DMXL2: variants seen among roughly 807,000 people sequenced by gnomAD.
DMXL2 encodes dmX-like protein 2.
In DMXL2, 103 loss-of-function variants were observed where a neutral mutation model predicts 331.1. The ratio of observed to expected loss-of-function variants is 0.31; its 90% CI spans 0.27 to 0.37. The LOEUF (loss-of-function observed/expected upper bound fraction) is 0.37, where lower values mean the gene tolerates loss of function less well. DMXL2 is among the 10% of genes least tolerant of loss of function. The pLI, the probability that DMXL2 is intolerant of heterozygous loss-of-function variation, is 1.00. For synonymous variants in DMXL2, 1,281 were observed against 1,252.1 expected (o/e 1.02, Z -0.49); for missense variants, 3,171 against 3,642.9 (o/e 0.87, Z 3.33).
At chr15:51,547,463 T>A in intron 6 of DMXL2, 55 bp from the exon 7 acceptor site, 1 of 1,317,616 alleles carries the variant, frequency 7.6e-7, no homozygotes, top group African/African-American at 1.5e-5. Flanking sequence ...AATTCAAAAT[T>A]TAAGTGGTTT....
chr15:51,553,349 A>G (rs960593241), intron 6 of DMXL2, among the ~76,000 whole-genome samples: 1 of 152,226 alleles, frequency 6.6e-6, no homozygotes, highest in Non-Finnish European at 1.5e-5. Flanking sequence ...TTTGTCCAAA[A>G]TGCACTATCA....
intron 1 of DMXL2, among the ~76,000 whole-genome samples, chr15:51,586,149 A>C (rs1467871100): frequency 1.3e-5 from 2 of 152,252 alleles, no homozygotes; most frequent in Non-Finnish European, 2.9e-5. Context: ...GACAGTATGA[A>C]GAAAGCTTAC....
intron 18 of DMXL2, among the ~76,000 whole-genome samples, 181 bp from the exon 19 acceptor site, chr15:51,495,315 A>G (rs2043097157): frequency 6.6e-6 from 1 of 152,166 alleles, no homozygotes; most frequent in African/African-American, 2.4e-5. Context: ...AAAAAATGTG[A>G]CTACTAAACT....
intron 1 of DMXL2, among the ~76,000 whole-genome samples, chr15:51,617,155 T>C (rs372192511): frequency 1.3e-5 from 2 of 152,302 alleles, no homozygotes; most frequent in East Asian, 1.9e-4. Context: ...TCTGATTTGT[T>C]CTAAAAATTT....
At chr15:51,449,603 C>T (rs183927704) in intron 43 of DMXL2, among the ~76,000 whole-genome samples, 435 of 152,286 alleles carry the variant, frequency 2.9e-3, no homozygotes, top group African/African-American at 9.8e-3. Context: ...GCATTCAGCA[C>T]GCTCCTTGGC....
At chr15:51,512,526 G>C (rs1226106571) in intron 15 of DMXL2, among the ~76,000 whole-genome samples, 1 of 152,236 alleles carries the variant, frequency 6.6e-6, no homozygotes, top group Non-Finnish European at 1.5e-5. Flanking sequence ...AATATTTCAG[G>C]GGGGCCAGGC....
At position 51,545,645 on chromosome 15, in the gene DMXL2, T is replaced by C. The variant is rs959724587; in HGVS notation, c.868A>G (p.Ser290Gly). Residue 290 changes from serine (S) to glycine (G), a missense_variant, in exon 8 of 44, where the codon AGC (serine) becomes GGC (glycine). Transcript: ENST00000560891. Reference sequence around the variant, plus strand: ...GCATGAGAAAGGCTGCTGGCAATGCTGGAAGTGGTAGTCTCACAAATCTGC... The same window carrying C: ...GCATGAGAAAGGCTGCTGGCAATGCCGGAAGTGGTAGTCTCACAAATCTGC... ...GEQICETTTS[S>G]IASSLSHAGR... The C allele has an allele frequency of 6.2e-7, 1 of 1,613,770 alleles. No individual in the cohort carries two copies.
At chr15:51,490,453 T>C (rs368758160) in intron 20 of DMXL2, among the ~76,000 whole-genome samples, 25 of 152,310 alleles carry the variant, frequency 1.6e-4, no homozygotes, top group African/African-American at 6.0e-4. Context: ...TTCACAAATA[T>C]AGTACCACTG....
chr15:51,472,596 A>T (rs2041223215), intron 28 of DMXL2, among the ~76,000 whole-genome samples: 2 of 152,182 alleles, frequency 1.3e-5, no homozygotes, highest in African/African-American at 4.8e-5. Flanking sequence ...CCTATTCAGG[A>T]TATTTCATAT....
intron 27 of DMXL2, among the ~76,000 whole-genome samples, chr15:51,475,490 T>C (rs570431459): frequency 4.6e-5 from 7 of 151,762 alleles, no homozygotes; most frequent in Non-Finnish European, 8.8e-5. Flanking sequence ...CAAGACTCTG[T>C]CTCAAAAAAT....
chr15:51,524,181 T>C (rs1405178225), intron 13 of DMXL2, among the ~76,000 whole-genome samples: 1 of 152,200 alleles, frequency 6.6e-6, no homozygotes, highest in African/African-American at 2.4e-5. Flanking sequence ...AACAGGACGC[T>C]TGGAAGCTAA....
chr15:51,620,310 C>T (rs974301404), intron 1 of DMXL2, among the ~76,000 whole-genome samples: 1 of 152,134 alleles, frequency 6.6e-6, no homozygotes, highest in East Asian at 1.9e-4. Flanking sequence ...TTTGTATTTA[C>T]ATTTGTCAAA....
In DMXL2 at chr15:51,471,419, G is replaced by GA. The variant is rs748680037; in HGVS notation, c.7214-19dup. On this transcript the variant is annotated intron_variant, in intron 28 of 43. Transcript: ENST00000560891. ...AGGAGGTGCTAAATGAAGATAGAAG[G>GA]AAAAAAAAATCTAGCATTCATTTTC... 485 of 1,536,192 alleles carry GA rather than the reference G, an allele frequency of 3.2e-4. No homozygotes were observed. The highest frequency in any genetic ancestry group is 1.2e-3 in the Middle Eastern group (7 of 5,682).
chr15:51,526,602 A>C (rs1009864059), intron 13 of DMXL2, among the ~76,000 whole-genome samples: 23 of 152,254 alleles, frequency 1.5e-4, no homozygotes, highest in Non-Finnish European at 2.9e-5. Flanking sequence ...TGTGACCTCC[A>C]GACAGAGAAT....
intron 6 of DMXL2, among the ~76,000 whole-genome samples, chr15:51,558,945 C>T (rs1017879904): frequency 4.6e-5 from 7 of 152,062 alleles, no homozygotes; most frequent in African/African-American, 1.7e-4. Flanking sequence ...TTTTGTAATG[C>T]TACGTATTTT....
chr15:51,554,986 C>T (rs555383463), intron 6 of DMXL2, among the ~76,000 whole-genome samples: 159 of 152,214 alleles, frequency 1.0e-3, no homozygotes, highest in Non-Finnish European at 1.7e-3. Flanking sequence ...GACGAAACTC[C>T]GTCTCTACTA....
rs759305781 is a variant in DMXL2 at position 51,465,671 on chromosome 15, A to G, written c.7521-20T>C. Reference sequence around the variant, plus strand: ...GCCCAGCTGTTCAAGGAGGGGCAAAAAGAGTCTTTAAGTGAAAAATAAAAT... The same window carrying G: ...GCCCAGCTGTTCAAGGAGGGGCAAAGAGAGTCTTTAAGTGAAAAATAAAAT... On this transcript the variant is annotated intron_variant, in intron 30 of 43. Transcript: ENST00000560891. 7.0e-5 allele frequency: 105 copies of G among 1,494,808 alleles called. No individual in the cohort carries two copies. Among genetic ancestry groups the G allele is most frequent in the Non-Finnish European group, 9.6e-5 (105 of 1,098,812 alleles). 92.6% of individuals were successfully genotyped at this position (1,494,808 alleles called of 1,614,324 possible). A position where few individuals can be genotyped will look rare whatever the true frequency, so the allele number is the denominator to read the frequency against.
intron 1 of DMXL2, among the ~76,000 whole-genome samples, chr15:51,580,568 G>C (rs2051340472): frequency 6.6e-6 from 1 of 152,128 alleles, no homozygotes; most frequent in African/African-American, 2.4e-5. Flanking sequence ...TCTTCTAACA[G>C]TACTGACCTA....
intron 1 of DMXL2, among the ~76,000 whole-genome samples, chr15:51,576,564 C>T (rs561159956): frequency 7.9e-5 from 12 of 152,096 alleles, no homozygotes; most frequent in African/African-American, 2.6e-4. Context: ...TAACTGTGTT[C>T]CCAGGGTTCA....
Sources: gnomAD v4.1 joint callset for allele counts (sites outside exome capture counted in the v4.1 genomes callset) on GRCh38, gnomAD v4.1.1 for gene constraint, MANE v1.5 for transcripts, NCBI Gene and HGNC (gene_info 2026-07-23, HGNC 2026-07-21) for gene names.